The following MTCL1 variants were observed in gnomAD, a reference collection of about 807,000 sequenced individuals.
MTCL1 encodes the protein microtubule crosslinking factor 1.
A neutral mutation model predicts 141.4 loss-of-function variants in MTCL1; 79 were observed. The observed-to-expected ratio is 0.56, with a 90% CI of 0.47 to 0.67. The LOEUF (loss-of-function observed/expected upper bound fraction) is 0.67. Among genes scored for constraint, MTCL1 ranks in the 30% least tolerant of loss-of-function variants. The pLI is 0.00. For missense variants in MTCL1, 2,177 were observed against 2,113.9 expected (o/e 1.03, Z -0.59); for synonymous variants, 914 against 875.8 (o/e 1.04, Z -0.77).
chr18:8,752,105 A>G (rs374501847), intron 4 of MTCL1, among the ~76,000 whole-genome samples: 101 of 152,274 alleles, frequency 6.6e-4, no homozygotes, highest in African/African-American at 2.3e-3. Context: ...CAGAGCTTTG[A>G]CTCTAGGACA....
At chr18:8,709,356 C>A (rs1208742068) in intron 1 of MTCL1, among the ~76,000 whole-genome samples, 1 of 151,864 alleles carries the variant, frequency 6.6e-6, no homozygotes, top group East Asian at 1.9e-4. Context: ...CCAAGCTGGG[C>A]TAATTTTTAA....
intron 4 of MTCL1, among the ~76,000 whole-genome samples, chr18:8,777,246 A>C (rs2096514753): frequency 6.6e-6 from 1 of 152,164 alleles, no homozygotes; most frequent in South Asian, 2.1e-4. Context: ...CTCAAATAAA[A>C]AACAACAACA....
At chr18:8,815,626 A>T (rs190139479) in intron 12 of MTCL1, among the ~76,000 whole-genome samples, 263 of 144,312 alleles carry the variant, frequency 1.8e-3, no homozygotes, top group African/African-American at 5.9e-3. Flanking sequence ...AATAATAATT[A>T]AAAAAAAAAA....
intron 4 of MTCL1, among the ~76,000 whole-genome samples, chr18:8,753,303 A>C (rs112658178): frequency 6.6e-6 from 1 of 152,244 alleles, no homozygotes; most frequent in Admixed American, 6.5e-5. Flanking sequence ...TTTTTAAAAA[A>C]TGGGAGACAC....
At chr18:8,723,605 T>C (rs686667) in intron 4 of MTCL1, among the ~76,000 whole-genome samples, 61,483 of 151,662 alleles carry the variant, frequency 0.41, 13,310 homozygotes, top group Admixed American at 0.53. Context: ...TTTCAGCTGC[T>C]TAGTGGACAT....
At chr18:8,807,015 G>A (rs776519886) in exon 11 of MTCL1, 48 of 1,613,668 alleles carry the variant, frequency 3.0e-5, no homozygotes, top group African/African-American at 1.3e-4. Flanking sequence ...GCGACAAGGC[G>A]GCCTGGGACG....
rs2076866039 is a variant in MTCL1, at chr18:8,822,164, C to CA, written c.3188+667dup. ...CCATTTGCTCCCTGCCAGATCTCTGCAGCACCTAGCCATGCCTGTGGCACA... is the reference window on the plus strand; with the variant it reads ...CCATTTGCTCCCTGCCAGATCTCTGCAAGCACCTAGCCATGCCTGTGGCACA... On this transcript the variant is annotated intron_variant, in intron 14 of 16. Transcript: ENST00000359865. This position sits in a 1 kb window ranked among gnomAD's most constrained non-coding sequence, Gnocchi z 4.6. Among the ~76,000 whole-genome samples the CA allele has an allele frequency of 6.6e-6, 1 of 152,322 alleles. No individual in the cohort carries two copies.
At chr18:8,766,131 A>G (rs1192212399) in intron 4 of MTCL1, among the ~76,000 whole-genome samples, 1 of 152,250 alleles carries the variant, frequency 6.6e-6, no homozygotes, top group Non-Finnish European at 1.5e-5. Context: ...GGTGTCATTT[A>G]GAAGACAAAA....
At position 8,822,673 on chromosome 18, in the gene MTCL1, C is replaced by T. The variant is rs1373661636; in HGVS notation, c.3188+1175C>T. Among the ~76,000 whole-genome samples the T allele has an allele frequency of 6.6e-6, 1 of 152,132 alleles. No homozygotes were observed. The highest frequency in any genetic ancestry group is 6.5e-5 in the Admixed American group (1 of 15,270). Reference sequence around the variant, plus strand: ...GTGCCTCAGTTTCCTCATCTGTATACAGGACGTATTTTGATTATCTTTTTT... The same window carrying T: ...GTGCCTCAGTTTCCTCATCTGTATATAGGACGTATTTTGATTATCTTTTTT... On this transcript the variant is annotated intron_variant, in intron 14 of 16. Coordinates refer to ENST00000359865, the Ensembl canonical transcript of MTCL1. The surrounding 1 kb of genome is among the most constrained non-coding windows in gnomAD (Gnocchi z 4.6).
exon 1 of MTCL1, chr18:8,706,279 G>C: frequency 8.1e-7 from 1 of 1,229,442 alleles, no homozygotes; most frequent in Non-Finnish European, 1.0e-6. Flanking sequence ...CAGCCACACG[G>C]ACAGCAGCTC....
At chr18:8,821,569 A>G in intron 14 of MTCL1, 71 bp downstream of exon 13, 1 of 819,640 alleles carries the variant, frequency 1.2e-6, no homozygotes, top group Non-Finnish European at 1.9e-6. Flanking sequence ...TTGTTTTGTC[A>G]ATGCAGTCTA....
At chr18:8,807,360 T>C (rs2076336563) in intron 11 of MTCL1, among the ~76,000 whole-genome samples, 1 of 152,232 alleles carries the variant, frequency 6.6e-6, no homozygotes, top group Non-Finnish European at 1.5e-5. Context: ...AGGCTGAAGC[T>C]GTCATCACAC....
chr18:8,720,330 C>G lies in MTCL1; in HGVS notation c.199-8C>G. ...TATCCTGATAATGATCTCTGTGGGT[C>G]GATGCAGGTAGCCAAAGATGTATCT... On this transcript the variant is annotated splice_region_variant and splice_polypyrimidine_tract_variant and intron_variant, in intron 3 of 16. Transcript: ENST00000359865. 1 of 1,613,674 alleles carries G rather than the reference C, an allele frequency of 6.2e-7. No homozygotes were observed.
rs561242233 is a variant in MTCL1, at chr18:8,738,496, A to G, written c.357+18000A>G. Among the ~76,000 whole-genome samples, 8 of 152,286 alleles carry G rather than the reference A, an allele frequency of 5.3e-5. No homozygotes were observed. In the South Asian group the frequency reaches 6.2e-4, roughly 12 times the overall value. On this transcript the variant is annotated intron_variant, in intron 4 of 16. Coordinates refer to ENST00000359865, the Ensembl canonical transcript of MTCL1. ...TATTTTGAGACAGAGATGTTGGCCA[A>G]TGGACACCAATAATTTAAAAATGAC... is the stretch of plus-strand genomic sequence containing the variant.
upstream of MTCL1, among the ~76,000 whole-genome samples, chr18:8,714,102 G>A (rs1181183272): frequency 6.6e-6 from 1 of 152,200 alleles, no homozygotes; most frequent in Non-Finnish European, 1.5e-5. Context: ...ACTTTTAAAA[G>A]TACAATTGAA....
At chr18:8,794,685 G>A (rs1598701088) in intron 8 of MTCL1, among the ~76,000 whole-genome samples, 1 of 152,284 alleles carries the variant, frequency 6.6e-6, no homozygotes. Flanking sequence ...TTATGTCAAG[G>A]GCAAAGTTAA....
At chr18:8,783,741 G>A (rs773939015) in exon 6 of MTCL1, 7 of 1,610,580 alleles carry the variant, frequency 4.3e-6, no homozygotes, top group South Asian at 2.2e-5. Context: ...CTGAAGCTGC[G>A]GCTAAAGCTG....
chr18:8,793,210 G>A lies in MTCL1; in HGVS notation c.2010+90G>A, dbSNP rs2075798387. 3.2e-6 allele frequency: 5 copies of A among 1,554,264 alleles called. No individual in the cohort carries two copies. The Admixed American group carries it at 6.9e-5, about 21-fold the overall frequency. On this transcript the variant is annotated intron_variant, in intron 8 of 16. Coordinates refer to ENST00000359865, the Ensembl canonical transcript of MTCL1. ...CCACGATACATTTTCAAAGAAGGCTGTCTGTTGCGTACAGGCTGCTAGACT... is the reference window on the plus strand; with the variant it reads ...CCACGATACATTTTCAAAGAAGGCTATCTGTTGCGTACAGGCTGCTAGACT...
At chr18:8,823,744 A>C (rs890218623) in intron 14 of MTCL1, among the ~76,000 whole-genome samples, 1 of 152,348 alleles carries the variant, frequency 6.6e-6, no homozygotes, top group Middle Eastern at 3.4e-3. Context: ...CTTGCCCCCA[A>C]GGTGAAGCCA....
Sources: allele counts gnomAD v4.1 joint callset (sites outside exome capture counted in the v4.1 genomes callset), GRCh38; gene constraint gnomAD v4.1.1; non-coding constraint Gnocchi (gnomAD v3.1); transcripts MANE v1.5; gene names NCBI Gene and HGNC (gene_info 2026-07-23, HGNC 2026-07-21).